PIP5K1C: variants seen among roughly 807,000 people sequenced by gnomAD.
PIP5K1C encodes phosphatidylinositol 4-phosphate 5-kinase type-1 gamma.
A neutral mutation model predicts 80.1 loss-of-function variants in PIP5K1C; 45 were observed. The ratio of observed to expected loss-of-function variants is 0.56; its 90% CI spans 0.44 to 0.72. The LOEUF is 0.72. PIP5K1C is among the 30% of genes least tolerant of loss of function. PIP5K1C has a pLI of 0.00. For synonymous variants in PIP5K1C, 498 were observed against 420.1 expected, an observed-to-expected ratio of 1.19 and a Z score of -2.27; for missense variants, 753 against 954.6, an observed-to-expected ratio of 0.79 and a Z score of 2.78.
rs375931742 is a variant in PIP5K1C at position 3,635,087 on chromosome 19, T to C, written c.1921-1567A>G. On this transcript the variant is annotated intron_variant, in intron 16 of 17. Transcript: ENST00000335312. Reference sequence around the variant, plus strand: ...CTGCACTGATGGATCCCATGGGGACTTGAAAATGTGGGGCCAAAACAGGGT... The same window carrying C: ...CTGCACTGATGGATCCCATGGGGACCTGAAAATGTGGGGCCAAAACAGGGT... Among the ~76,000 whole-genome samples, 358 of 152,310 alleles carry C rather than the reference T, an allele frequency of 2.4e-3. 2 individuals carry two copies. The highest frequency in any genetic ancestry group is 8.2e-3 in the African/African-American group (340 of 41,576).
In PIP5K1C at chr19:3,667,130, C is replaced by T. The variant is rs139711841; in HGVS notation, c.126+192G>A. Among the ~76,000 whole-genome samples the T allele has an allele frequency of 1.6e-3, 250 of 152,318 alleles. 1 individual carries two copies. Among genetic ancestry groups the T allele is most frequent in the Middle Eastern group, 6.8e-3 (2 of 294 alleles). The stretch of plus-strand genomic sequence containing the variant: ...AGATGCAGGGCCCCCTCCTCCATCA[C>T]GGAATTTCACCCCGACCTCTCAAGA... On this transcript the variant is annotated intron_variant, in intron 2 of 17. Transcript: ENST00000335312.
At chr19:3,644,399 G>T in intron 11 of PIP5K1C, 148 bp from the exon 12 acceptor site, 1 of 792,798 alleles carries the variant, frequency 1.3e-6, no homozygotes, top group South Asian at 1.7e-5. Context: ...ACAACCTCTT[G>T]GTGGAAAACC....
At chr19:3,643,683 C>G (rs181932730) in intron 12 of PIP5K1C, among the ~76,000 whole-genome samples, 211 of 150,418 alleles carry the variant, frequency 1.4e-3, no homozygotes, top group African/African-American at 4.4e-3. Context: ...CCCCACCCCC[C>G]CTCCCTTCCC....
chr19:3,638,790 TGCA>T, intron 16 of PIP5K1C, 91 bp downstream of exon 16: 3 of 1,517,946 alleles, frequency 2.0e-6, no homozygotes, highest in Non-Finnish European at 2.7e-6. Flanking sequence ...CGTGCCTGTG[TGCA>T]GGTGTGTGTA....
chr19:3,638,804 T>TGCGGTGTGCAC (rs1299714634), intron 16 of PIP5K1C, 80 bp downstream of exon 16: 1 of 1,571,780 alleles, frequency 6.4e-7, no homozygotes, highest in Non-Finnish European at 8.7e-7. Flanking sequence ...GGTGTGTGTA[T>TGCGGTGTGCAC]GCGGTGTGCA....
rs769734260 is a variant in PIP5K1C, at chr19:3,692,299, C to G, written c.94+7998G>C. 6.6e-6 allele frequency among the ~76,000 whole-genome samples: 1 copy of G among 152,138 alleles called. No individual in the cohort carries two copies. The highest frequency in any genetic ancestry group is 1.5e-5 in the Non-Finnish European group (1 of 68,014). On this transcript the variant is annotated intron_variant, in intron 1 of 17. Coordinates refer to ENST00000335312, the MANE Select transcript of PIP5K1C (RefSeq NM_012398.3). The surrounding 1 kb of genome is among the most constrained non-coding windows in gnomAD (Gnocchi z 5.2). ...CAGCCACCACCAGGGTCCCGACGGC[C>G]CCACCCAGTCCCACTGCCGGCTCCC...
chr19:3,693,426 G>C (rs2036002878), intron 1 of PIP5K1C, among the ~76,000 whole-genome samples: 1 of 152,166 alleles, frequency 6.6e-6, no homozygotes. Flanking sequence ...GCAGGTGCAG[G>C]GGCTCCGAGC....
chr19:3,648,580 A>G lies in PIP5K1C; in HGVS notation c.1211+45T>C. 1.3e-6 allele frequency: 2 copies of G among 1,550,158 alleles called. No homozygotes were observed. Among genetic ancestry groups the G allele is most frequent in the Non-Finnish European group, 1.8e-6 (2 of 1,124,758 alleles). ...CCCGGGCGCCCACCTGTGGGACTGC[A>G]GACCCGGGGCGTCCACCTGTAGGAC... is the stretch of plus-strand genomic sequence containing the variant. On this transcript the variant is annotated intron_variant, in intron 9 of 17. Transcript: ENST00000335312. The surrounding 1 kb of genome is among the most constrained non-coding windows in gnomAD (Gnocchi z 4.3).
intron 7 of PIP5K1C, among the ~76,000 whole-genome samples, chr19:3,652,724 G>A (rs904769129): frequency 6.6e-6 from 1 of 152,204 alleles, no homozygotes; most frequent in Non-Finnish European, 1.5e-5. Flanking sequence ...CTCACTGGAC[G>A]CACATGGGCC....
intron 4 of PIP5K1C, 111 bp from the exon 5 acceptor site, chr19:3,661,194 T>A: frequency 1.4e-6 from 1 of 696,312 alleles, no homozygotes. Flanking sequence ...GCGGCTCAGC[T>A]CCAAGACTTC....
intron 1 of PIP5K1C, among the ~76,000 whole-genome samples, chr19:3,677,298 G>A (rs1012139031): frequency 3.3e-5 from 5 of 151,832 alleles, no homozygotes; most frequent in Non-Finnish European, 7.4e-5. Context: ...GAAAGTTTTA[G>A]GCCAGGCTTT....
rs952389588 is a variant in PIP5K1C, at chr19:3,692,171, A to G, written c.94+8126T>C. On this transcript the variant is annotated intron_variant, in intron 1 of 17. Coordinates refer to ENST00000335312, the MANE Select transcript of PIP5K1C (RefSeq NM_012398.3). This position sits in a 1 kb window ranked among gnomAD's most constrained non-coding sequence, Gnocchi z 5.2. Reference sequence around the variant, plus strand: ...AATCCTCAAGGGACATTGCTTTCCAAATGAGGAAACTGAGGCACGGAGCGG... The same window carrying G: ...AATCCTCAAGGGACATTGCTTTCCAGATGAGGAAACTGAGGCACGGAGCGG... Among the ~76,000 whole-genome samples, 7 of 152,298 alleles carry G rather than the reference A, an allele frequency of 4.6e-5. No homozygotes were observed. The highest frequency in any genetic ancestry group is 8.8e-5 in the Non-Finnish European group (6 of 68,016).
intron 1 of PIP5K1C, among the ~76,000 whole-genome samples, chr19:3,691,519 G>A (rs2035948899): frequency 6.6e-6 from 1 of 151,870 alleles, no homozygotes; most frequent in Non-Finnish European, 1.5e-5. Flanking sequence ...CCCAGAACAG[G>A]GACCACCCCA....
intron 1 of PIP5K1C, among the ~76,000 whole-genome samples, chr19:3,691,757 A>G (rs2035957830): frequency 6.6e-6 from 1 of 152,180 alleles, no homozygotes; most frequent in Admixed American, 6.5e-5. Flanking sequence ...AGAAGCATAG[A>G]GCCTTTACTG....
intron 1 of PIP5K1C, among the ~76,000 whole-genome samples, chr19:3,678,557 AGGAGGGATGGAG>A (rs1484008073): frequency 1.5e-4 from 7 of 47,058 alleles, no homozygotes; most frequent in African/African-American, 5.9e-4. Context: ...GAGAGATGGA[AGGAGGGATGGAG>A]GGAGGGATGG....
chr19:3,665,679 G>T (rs973161941), intron 2 of PIP5K1C, among the ~76,000 whole-genome samples: 39 of 152,098 alleles, frequency 2.6e-4, no homozygotes, highest in South Asian at 2.1e-4. Flanking sequence ...CACTGGCCAG[G>T]GTCAGGCCCG....
chr19:3,658,022 C>A (rs1415582328), intron 5 of PIP5K1C, among the ~76,000 whole-genome samples: 1 of 152,182 alleles, frequency 6.6e-6, no homozygotes, highest in Non-Finnish European at 1.5e-5. Flanking sequence ...CCCAGCGCCA[C>A]ACACACTCTG....
intron 12 of PIP5K1C, among the ~76,000 whole-genome samples, chr19:3,643,700 G>A (rs900863629): frequency 1.5e-5 from 1 of 64,682 alleles, no homozygotes; most frequent in Non-Finnish European, 2.9e-5. Context: ...TCCCCTCCGC[G>A]CTGCTTGGCC....
chr19:3,641,870 G>C (rs2033977183), intron 14 of PIP5K1C, 61 bp from the exon 15 acceptor site: 2 of 1,369,784 alleles, frequency 1.5e-6, no homozygotes, highest in Non-Finnish European at 2.0e-6. Flanking sequence ...CCTACCCCCA[G>C]GAGTGCCCAG....
Sources: allele counts gnomAD v4.1 joint callset (sites outside exome capture counted in the v4.1 genomes callset), GRCh38; gene constraint gnomAD v4.1.1; non-coding constraint Gnocchi (gnomAD v3.1); transcripts MANE v1.5; gene names NCBI Gene and HGNC (gene_info 2026-07-23, HGNC 2026-07-21).